The following HMGCLL1 variants were observed in gnomAD, a reference collection of about 807,000 sequenced individuals.
The protein encoded by HMGCLL1 is 3-hydroxymethyl-3-methylglutaryl-CoA lyase, cytoplasmic.
A neutral mutation model predicts 39.1 loss-of-function variants in HMGCLL1; 36 were observed. The ratio of observed to expected loss-of-function variants is 0.92; its 90% CI spans 0.71 to 1.22. HMGCLL1 has a LOEUF of 1.22. HMGCLL1 is among the 50% of genes most tolerant of loss of function. HMGCLL1 has a pLI of 0.00. For synonymous variants in HMGCLL1, 149 were observed against 144.0 expected (o/e 1.03, Z -0.25); for missense variants, 451 against 416.5 (o/e 1.08, Z -0.72).
chr6:55,455,943 C>A (rs1764303652), intron 7 of HMGCLL1, among the ~76,000 whole-genome samples: 1 of 152,024 alleles, frequency 6.6e-6, no homozygotes, highest in African/African-American at 2.4e-5. Flanking sequence ...TATAAACATA[C>A]CCAAATAAAA....
chr6:55,549,477 A>G (rs1770196297), intron 1 of HMGCLL1, among the ~76,000 whole-genome samples: 1 of 151,494 alleles, frequency 6.6e-6, no homozygotes, highest in African/African-American at 2.4e-5. Context: ...TCATGGAAAT[A>G]TTTTCTGGGA....
chr6:55,545,226 A>AAAAAG (rs1554157191), intron 1 of HMGCLL1, among the ~76,000 whole-genome samples: 9 of 143,156 alleles, frequency 6.3e-5, no homozygotes, highest in Non-Finnish European at 9.0e-5. Flanking sequence ...AAAAAAAAAA[A>AAAAAG]AAGAAGAAAA....
the HMGCLL1 span, among the ~76,000 whole-genome samples, chr6:55,595,791 G>T: frequency 6.6e-6 from 1 of 152,082 alleles, no homozygotes; most frequent in Non-Finnish European, 1.5e-5. Context: ...TGAAGATAAA[G>T]ATGTAAAATT....
At chr6:55,664,626 T>C in the HMGCLL1 span, among the ~76,000 whole-genome samples, 3 of 151,760 alleles carry the variant, frequency 2.0e-5, no homozygotes, top group Admixed American at 6.6e-5. Context: ...ACTTAGGGCC[T>C]TAAAACAATA....
chr6:55,500,377 T>C (rs1272572405), intron 5 of HMGCLL1, among the ~76,000 whole-genome samples: 1 of 151,966 alleles, frequency 6.6e-6, no homozygotes, highest in Non-Finnish European at 1.5e-5. Flanking sequence ...ACACAAGAAA[T>C]ATCCTATTTC....
chr6:55,493,418 G>A (rs931238672), intron 7 of HMGCLL1, among the ~76,000 whole-genome samples: 2 of 151,906 alleles, frequency 1.3e-5, no homozygotes, highest in Non-Finnish European at 2.9e-5. Context: ...ATCTTGCTTC[G>A]GCCCAACGTT....
At chr6:55,459,028 T>C (rs1440150087) in intron 7 of HMGCLL1, among the ~76,000 whole-genome samples, 2 of 152,188 alleles carry the variant, frequency 1.3e-5, no homozygotes, top group Non-Finnish European at 2.9e-5. Flanking sequence ...GAGTGCAATA[T>C]GAATTTTATA....
In HMGCLL1 at chr6:55,561,425, G is replaced by T. The variant is rs191567836; in HGVS notation, c.108+17523C>A. Among the ~76,000 whole-genome samples, 21 of 152,156 alleles carry T rather than the reference G, an allele frequency of 1.4e-4. No individual in the cohort carries two copies. The East Asian group carries it at 2.3e-3, about 17-fold the overall frequency. ...AAGGCCCTTCAGCCATGGACTTTTA[G>T]ATCAGTGGTTCTCAAACTTTAATGT... On this transcript the variant is annotated intron_variant, in intron 1 of 8. Transcript: ENST00000274901.
At chr6:55,592,997 A>G in the HMGCLL1 span, among the ~76,000 whole-genome samples, 8 of 152,206 alleles carry the variant, frequency 5.3e-5, no homozygotes, top group African/African-American at 7.2e-5. Context: ...TGCATCATAT[A>G]TAAGGTTAAA....
intron 7 of HMGCLL1, among the ~76,000 whole-genome samples, chr6:55,486,113 G>GT (rs1554144696): frequency 3.4e-5 from 5 of 148,628 alleles, no homozygotes; most frequent in Non-Finnish European, 5.9e-5. Flanking sequence ...GTGTGTGTGT[G>GT]TATATATATA....
At chr6:55,497,828 A>T (rs1379816641) in intron 6 of HMGCLL1, among the ~76,000 whole-genome samples, 2 of 152,208 alleles carry the variant, frequency 1.3e-5, no homozygotes, top group South Asian at 2.1e-4. Flanking sequence ...GGCAGCTGAC[A>T]TACAAAATGC....
the HMGCLL1 span, among the ~76,000 whole-genome samples, chr6:55,635,432 TAA>T: frequency 6.8e-6 from 1 of 147,922 alleles, no homozygotes; most frequent in Non-Finnish European, 1.5e-5. Flanking sequence ...GAATTCTAGA[TAA>T]AAAAAAAAAT....
At chr6:55,455,861 C>G (rs1247454032) in intron 7 of HMGCLL1, among the ~76,000 whole-genome samples, 1 of 152,164 alleles carries the variant, frequency 6.6e-6, no homozygotes, top group Non-Finnish European at 1.5e-5. Flanking sequence ...AGGATTTTCT[C>G]CAATCCTATG....
intron 1 of HMGCLL1, among the ~76,000 whole-genome samples, chr6:55,569,001 A>C (rs574949273): frequency 6.6e-6 from 1 of 152,230 alleles, no homozygotes; most frequent in South Asian, 2.1e-4. Flanking sequence ...TGAAAAAAAC[A>C]AGAACACAGA....
Position 55,435,662 on chromosome 6 carries a change from T to C in HMGCLL1, c.1023A>G (p.Ter341TrpextTer20). ...SKVAQASFNA[*>W] is the part of the protein sequence containing the mutation. The stretch of plus-strand genomic sequence containing the variant: ...ACGGTACGTCATAAATCCATTCAAG[T>C]CAAGCATTGAAGGAGGCTTGTGCTA... The change falls in exon 9 of 9, where the codon TGA (stop) becomes TGG (tryptophan). Residue 341 changes from the stop codon to tryptophan (W), a stop_lost. Transcript: ENST00000274901. The C allele has an allele frequency of 6.4e-7, 1 of 1,559,310 alleles. No individual in the cohort carries two copies. Among genetic ancestry groups the C allele is most frequent in the Non-Finnish European group, 8.8e-7 (1 of 1,138,746 alleles).
At chr6:55,650,942 C>G in the HMGCLL1 span, among the ~76,000 whole-genome samples, 1 of 152,034 alleles carries the variant, frequency 6.6e-6, no homozygotes, top group South Asian at 2.1e-4. Context: ...GGGAAGTAGG[C>G]TCCCAACTGG....
chr6:55,457,681 CTCA>C (rs1390418457), intron 7 of HMGCLL1, among the ~76,000 whole-genome samples: 2 of 152,000 alleles, frequency 1.3e-5, no homozygotes, highest in African/African-American at 2.4e-5. Context: ...CTTCATCTCT[CTCA>C]TCATTTTTTT....
intron 7 of HMGCLL1, among the ~76,000 whole-genome samples, chr6:55,478,227 T>C (rs2127410933): frequency 6.6e-6 from 1 of 151,394 alleles, no homozygotes; most frequent in Middle Eastern, 3.4e-3. Context: ...TATTTTGCCC[T>C]TTTTCATTCC....
intron 7 of HMGCLL1, among the ~76,000 whole-genome samples, chr6:55,453,666 G>A (rs972157052): frequency 2.0e-5 from 3 of 152,188 alleles, no homozygotes; most frequent in African/African-American, 7.2e-5. Context: ...CAATAATTGA[G>A]ATGGATAGAG....
Sources: gnomAD v4.1 joint callset for allele counts (sites outside exome capture counted in the v4.1 genomes callset) on GRCh38, gnomAD v4.1.1 for gene constraint, MANE v1.5 for transcripts, NCBI Gene and HGNC (gene_info 2026-07-23, HGNC 2026-07-21) for gene names.